The following ABCC9 variants were observed in gnomAD, a reference collection of about 807,000 sequenced individuals.
The protein encoded by ABCC9 is ATP binding cassette subfamily C member 9, also known as ATP-binding cassette sub-family C member 9.
ABCC9 carries 95 observed loss-of-function variants against 188.3 expected under a neutral mutation model. That is an observed-to-expected ratio of 0.50 (90% CI 0.43 to 0.60). ABCC9 has a LOEUF of 0.60. Among genes scored for constraint, ABCC9 ranks in the 20% least tolerant of loss-of-function variants. The probability of loss-of-function intolerance (pLI) is 0.00; values close to 1 mark genes in which losing one functional copy is unlikely to be tolerated. For synonymous variants in ABCC9, 659 were observed against 652.7 expected (o/e 1.01, Z -0.15); for missense variants, 1,102 against 1,876.3 (o/e 0.59, Z 7.62).
rs1461891718 is a variant in ABCC9 at position 21,799,039 on chromosome 12, T to C, written c.*2005A>G. ...GCATATTCTCACTCATAGGTGGGAATTGAACAATGAGATCACATGGACACA... is the reference window on the plus strand; with the variant it reads ...GCATATTCTCACTCATAGGTGGGAACTGAACAATGAGATCACATGGACACA... On this transcript the variant is annotated 3_prime_UTR_variant, in exon 40 of 40. Transcript: ENST00000261200. 9 of 145,476 alleles carry C rather than the reference T, an allele frequency of 6.2e-5. No individual in the cohort carries two copies. The highest frequency in any genetic ancestry group is 2.0e-4 in the East Asian group (1 of 5,044). The allele number at this position is 145,476 out of a possible 1,614,324, so 9.0% of individuals were successfully genotyped here. A position where few individuals can be genotyped will look rare whatever the true frequency, so the allele number is the denominator to read the frequency against.
intron 18 of ABCC9, among the ~76,000 whole-genome samples, chr12:21,870,239 G>T: frequency 6.6e-6 from 1 of 151,722 alleles, no homozygotes; most frequent in East Asian, 1.9e-4. Flanking sequence ...AAGGTATATG[G>T]AAGATATTTC....
intron 28 of ABCC9, among the ~76,000 whole-genome samples, 167 bp from the exon 29 acceptor site, chr12:21,842,638 T>C (rs1353250118): frequency 6.6e-6 from 1 of 152,238 alleles, no homozygotes; most frequent in Non-Finnish European, 1.5e-5. Flanking sequence ...TAGTTTATTA[T>C]GTCTGTCTAT....
At position 21,852,103 on chromosome 12, in the gene ABCC9, T is replaced by C. The variant is rs760466255; in HGVS notation, c.2763A>G (p.Leu921=). Reference sequence around the variant, plus strand: ...CTGAACTATGAGCACTTACCTTTTCTAATTCTTGATCTTGCCGATTCATAA... The same window carrying C: ...CTGAACTATGAGCACTTACCTTTTCCAATTCTTGATCTTGCCGATTCATAA... The part of the protein sequence containing the change: ...KTLMNRQDQE[L]EKDMEADQTT... The change falls in exon 24 of 40, where the codon TTA becomes TTG. Residue 921 remains leucine (L), a synonymous_variant. Coordinates refer to ENST00000261200, the MANE Select transcript of ABCC9 (RefSeq NM_020297.4). 8.1e-5 allele frequency: 131 copies of C among 1,613,676 alleles called. 2 individuals are homozygous for C. In the South Asian group the frequency reaches 1.2e-3, roughly 15 times the overall value.
intron 16 of ABCC9, among the ~76,000 whole-genome samples, chr12:21,880,319 G>A (rs959885020): frequency 1.3e-5 from 2 of 151,990 alleles, no homozygotes; most frequent in Non-Finnish European, 2.9e-5. Flanking sequence ...ACGTCTTCAT[G>A]GCCTCTGGGT....
chr12:21,850,783 A>G lies in ABCC9; in HGVS notation c.2769+1314T>C, dbSNP rs1283693403. Among the ~76,000 whole-genome samples the G allele has an allele frequency of 2.6e-5, 4 of 152,090 alleles. No homozygotes were observed. In the East Asian group the frequency reaches 5.8e-4, roughly 22 times the overall value. On this transcript the variant is annotated intron_variant, in intron 24 of 39. Transcript: ENST00000261200. ...ACTGAAAAAAATGTCATTTGGAGTT[A>G]TCCCCGGTACGTTTAGAATCAAGCT...
At chr12:21,890,962 C>T (rs987205065) in intron 14 of ABCC9, among the ~76,000 whole-genome samples, 1 of 151,560 alleles carries the variant, frequency 6.6e-6, no homozygotes, top group South Asian at 2.1e-4. Context: ...CTAAAACTTA[C>T]AGTATAATAA....
chr12:21,860,950 A>C (rs771491151), intron 21 of ABCC9, 21 bp downstream of exon 21: 2 of 1,578,344 alleles, frequency 1.3e-6, no homozygotes, highest in South Asian at 1.1e-5. Flanking sequence ...TCATTGCTTA[A>C]TGAAACTATA....
At chr12:21,850,591 T>C (rs1189385750) in intron 24 of ABCC9, among the ~76,000 whole-genome samples, 1 of 152,186 alleles carries the variant, frequency 6.6e-6, no homozygotes, top group Non-Finnish European at 1.5e-5. Context: ...GATCACTTCA[T>C]TTCTAAATAC....
chr12:21,852,151 C>G lies in ABCC9; in HGVS notation c.2715G>C (p.Glu905Asp). The G allele has an allele frequency of 6.2e-7, 1 of 1,613,706 alleles. No individual in the cohort carries two copies. The change falls in exon 24 of 40, where the codon GAG becomes GAC. Residue 905 changes from glutamate (E) to aspartate (D), a missense_variant. This residue lies in a region of ABCC9 where 131 missense variants were observed against 170.2 expected (regional missense o/e 0.77). Transcript: ENST00000261200. ...TAAGTGTTTTCCAGTGTTCATAAAG[C>G]TCAACATCTTTGGTTTGAATGTCCT... The part of the protein sequence containing the change: ...TLKDIQTKDV[E>D]LYEHWKTLMN...
chr12:21,937,102 T>C (rs758144673), intron 2 of ABCC9, among the ~76,000 whole-genome samples: 1 of 152,082 alleles, frequency 6.6e-6, no homozygotes, highest in Non-Finnish European at 1.5e-5. Context: ...TCACTGAAAA[T>C]GTACTAATAA....
chr12:21,816,156 G>A (rs1317204468), intron 33 of ABCC9, among the ~76,000 whole-genome samples: 1 of 141,746 alleles, frequency 7.1e-6, no homozygotes, highest in African/African-American at 2.6e-5. Flanking sequence ...TGTTTTTGGA[G>A]CCTTAACCAT....
intron 4 of ABCC9, among the ~76,000 whole-genome samples, chr12:21,931,128 A>T (rs922992112): frequency 6.6e-6 from 1 of 152,138 alleles, no homozygotes; most frequent in African/African-American, 2.4e-5. Context: ...TGTAATCCGA[A>T]TTGTAATCCC....
Position 21,906,215 on chromosome 12 carries a change from C to CA in ABCC9, c.1528dup (p.Trp510LeufsTer19). 1 of 1,613,028 alleles carries CA rather than the reference C, an allele frequency of 6.2e-7. No individual in the cohort carries two copies. The highest frequency in any genetic ancestry group is 2.2e-5 in the East Asian group (1 of 44,844). The stretch of plus-strand genomic sequence containing the variant: ...CACACTTTTGCAGAAAATGTGTTCC[C>CA]AGGCATACAATTTTAGAAGTTTGAT... On this transcript the variant is annotated frameshift_variant, in exon 12 of 40. Coordinates refer to ENST00000261200, the MANE Select transcript of ABCC9 (RefSeq NM_020297.4). LOFTEE classifies it high-confidence loss of function.
chr12:21,895,985 CTA>C (rs1351005603), intron 12 of ABCC9, among the ~76,000 whole-genome samples: 1 of 150,482 alleles, frequency 6.6e-6, no homozygotes, highest in Non-Finnish European at 1.5e-5. Context: ...CAGTCATAAA[CTA>C]TAGAATTTTA....
At chr12:21,834,901 C>A (rs1251144224) in intron 30 of ABCC9, among the ~76,000 whole-genome samples, 1 of 151,584 alleles carries the variant, frequency 6.6e-6, no homozygotes, top group Non-Finnish European at 1.5e-5. Context: ...GATAGTTGAT[C>A]TTTACAGGGA....
At chr12:21,923,964 G>A in intron 5 of ABCC9, 1 of 556,664 alleles carries the variant, frequency 1.8e-6, no homozygotes, top group Non-Finnish European at 3.2e-6. Flanking sequence ...CATTACGGAT[G>A]AGCATCAAAA....
At chr12:21,897,928 T>C (rs1732993176) in intron 12 of ABCC9, among the ~76,000 whole-genome samples, 1 of 152,176 alleles carries the variant, frequency 6.6e-6, no homozygotes, top group African/African-American at 2.4e-5. Context: ...CTCAGCCCTT[T>C]AGTAGCTGGA....
chr12:21,859,435 C>T (rs2137493955), intron 22 of ABCC9, 151 bp downstream of exon 22: 3 of 779,560 alleles, frequency 3.8e-6, no homozygotes, highest in East Asian at 5.0e-5. Context: ...ATCTACTAAT[C>T]TGTACTTCAA....
chr12:21,806,130 A>G (rs1411116974), intron 38 of ABCC9, 70 bp from the exon 39 acceptor site: 3 of 1,376,362 alleles, frequency 2.2e-6, no homozygotes, highest in African/African-American at 1.4e-5. Context: ...CCCAAGAACA[A>G]TCAATATTCC....
Sources: gnomAD v4.1 joint callset for allele counts (sites outside exome capture counted in the v4.1 genomes callset) on GRCh38, gnomAD v4.1.1 for gene constraint, gnomAD v4.1.1 regional missense constraint, MANE v1.5 for transcripts, NCBI Gene and HGNC (gene_info 2026-07-23, HGNC 2026-07-21) for gene names.